The following GALNTL6 variants were observed in gnomAD, a reference collection of about 807,000 sequenced individuals.
The protein encoded by GALNTL6 is polypeptide N-acetylgalactosaminyltransferase like 6, also known as polypeptide N-acetylgalactosaminyltransferase-like 6.
A neutral mutation model predicts 73.7 loss-of-function variants in GALNTL6; 46 were observed. That is an observed-to-expected ratio of 0.62 (90% CI 0.49 to 0.80). The LOEUF is 0.80. Ranked by LOEUF, GALNTL6 falls within the 30% of genes least tolerant of loss-of-function variation. GALNTL6 has a pLI of 0.00. For missense variants in GALNTL6, 604 were observed against 755.0 expected (o/e 0.80, Z 2.34); for synonymous variants, 259 against 263.7 (o/e 0.98, Z 0.17).
chr4:172,367,076 A>G (rs1239775122), intron 5 of GALNTL6, among the ~76,000 whole-genome samples: 1 of 152,204 alleles, frequency 6.6e-6, no homozygotes. Context: ...GTGGTCCCCA[A>G]ACCTGTGAGA....
rs114083763 is a variant in GALNTL6, at chr4:172,432,455, G to A, written c.553+83766G>A. Among the ~76,000 whole-genome samples, 777 of 151,978 alleles carry A rather than the reference G, an allele frequency of 5.1e-3. 10 individuals are homozygous for A. The highest frequency in any genetic ancestry group is 0.011 in the African/African-American group (443 of 41,468). The stretch of plus-strand genomic sequence containing the variant: ...TTTTCAGTGTCCGAAATTACATCAC[G>A]CAAACCCTCTGATCACATTGAGCAC... On this transcript the variant is annotated intron_variant, in intron 5 of 12. Transcript: ENST00000506823.
intron 5 of GALNTL6, among the ~76,000 whole-genome samples, chr4:172,709,907 G>T (rs1420282753): frequency 6.6e-6 from 1 of 151,748 alleles, no homozygotes; most frequent in African/African-American, 2.4e-5. Flanking sequence ...ACAAATGATT[G>T]TACCGCATTG....
chr4:172,994,135 T>C (rs781163564), intron 10 of GALNTL6, among the ~76,000 whole-genome samples: 2 of 152,140 alleles, frequency 1.3e-5, no homozygotes, highest in Non-Finnish European at 2.9e-5. Flanking sequence ...GACTGGAGCA[T>C]TCACATATTA....
At chr4:172,864,369 T>C (rs1316982937) in intron 7 of GALNTL6, among the ~76,000 whole-genome samples, 2 of 152,136 alleles carry the variant, frequency 1.3e-5, no homozygotes, top group South Asian at 2.1e-4. Flanking sequence ...CATAAATAAG[T>C]AGAATGGAGC....
At chr4:173,036,699 C>CA (rs1753710692) in intron 12 of GALNTL6, among the ~76,000 whole-genome samples, 1 of 152,138 alleles carries the variant, frequency 6.6e-6, no homozygotes, top group South Asian at 2.1e-4. Flanking sequence ...TGTGAATAGC[C>CA]AGAGCACAGG....
In GALNTL6 at chr4:172,625,574, A is replaced by G. The variant is rs1239552900; in HGVS notation, c.554-183787A>G. Among the ~76,000 whole-genome samples, 3 of 152,070 alleles carry G rather than the reference A, an allele frequency of 2.0e-5. No homozygotes were observed. The South Asian group carries it at 6.2e-4, about 31-fold the overall frequency. On this transcript the variant is annotated intron_variant, in intron 5 of 12. Coordinates refer to ENST00000506823, the MANE Select transcript of GALNTL6 (RefSeq NM_001034845.3). ...GATTGCTGGGTTAAATGGTAGTTCT[A>G]TTTTAAGTTATTTGAGAAATCTCCA...
rs1561102643 is a variant in GALNTL6 at position 173,040,326 on chromosome 4, C to A, written c.*226C>A. 4.0e-6 allele frequency: 2 copies of A among 503,924 alleles called. No homozygotes were observed. Among genetic ancestry groups the A allele is most frequent in the East Asian group, 6.8e-5 (2 of 29,444 alleles). 31.2% of individuals were successfully genotyped at this position (503,924 alleles called of 1,614,324 possible). ...CTGAGAACTCGAGACTAGCAGTTCCCTTGCTGGCCAAGGGCAAAGATAATT... is the reference window on the plus strand; with the variant it reads ...CTGAGAACTCGAGACTAGCAGTTCCATTGCTGGCCAAGGGCAAAGATAATT... On this transcript the variant is annotated 3_prime_UTR_variant, in exon 13 of 13. Transcript: ENST00000506823.
intron 2 of GALNTL6, among the ~76,000 whole-genome samples, chr4:171,843,491 C>A (rs1185861892): frequency 1.3e-5 from 2 of 151,176 alleles, no homozygotes; most frequent in African/African-American, 4.9e-5. Flanking sequence ...AAAAAAAAAA[C>A]AATTTATTCT....
chr4:172,344,965 T>C lies in GALNTL6; in HGVS notation c.387-3558T>C, dbSNP rs118174061. 1.0e-3 allele frequency among the ~76,000 whole-genome samples: 152 copies of C among 152,310 alleles called. 1 individual carries two copies. In the South Asian group the frequency reaches 0.016, roughly 16 times the overall value. ...AGGATTTGACAATGAAATAATACAGTGTAAACAACAATGACCGTAATAATG... is the reference window on the plus strand; with the variant it reads ...AGGATTTGACAATGAAATAATACAGCGTAAACAACAATGACCGTAATAATG... On this transcript the variant is annotated intron_variant, in intron 4 of 12. Transcript: ENST00000506823.
chr4:172,603,364 G>T (rs1397827106), intron 5 of GALNTL6, among the ~76,000 whole-genome samples: 1 of 152,166 alleles, frequency 6.6e-6, no homozygotes. Flanking sequence ...AACAGAAGCA[G>T]CATGTCACAT....
chr4:173,027,225 C>T (rs1445455850), intron 12 of GALNTL6, among the ~76,000 whole-genome samples: 3 of 152,190 alleles, frequency 2.0e-5, no homozygotes, highest in African/African-American at 7.2e-5. Context: ...CTCATGATCC[C>T]GCCCACCTCT....
chr4:172,148,927 A>T (rs1733994650), intron 2 of GALNTL6, among the ~76,000 whole-genome samples: 1 of 152,096 alleles, frequency 6.6e-6, no homozygotes, highest in Admixed American at 6.5e-5. Flanking sequence ...TTCTATATAA[A>T]TTTTTTGCTT....
At chr4:173,035,326 G>A (rs1268714660) in intron 12 of GALNTL6, among the ~76,000 whole-genome samples, 1 of 152,108 alleles carries the variant, frequency 6.6e-6, no homozygotes, top group Non-Finnish European at 1.5e-5. Context: ...TTACAGGCAT[G>A]TACCACCAGG....
At chr4:172,679,338 G>A (rs1732493405) in intron 5 of GALNTL6, among the ~76,000 whole-genome samples, 1 of 151,804 alleles carries the variant, frequency 6.6e-6, no homozygotes, top group African/African-American at 2.4e-5. Context: ...TTGAACCCTG[G>A]AGGCGGAGGT....
intron 6 of GALNTL6, 65 bp from the exon 7 acceptor site, chr4:172,813,475 T>C (rs1741426245): frequency 1.4e-6 from 2 of 1,403,550 alleles, no homozygotes; most frequent in Non-Finnish European, 2.0e-6. Context: ...GGCTTCTCTT[T>C]GCTGAAAAAT....
intron 2 of GALNTL6, among the ~76,000 whole-genome samples, chr4:172,043,016 C>T (rs1276626008): frequency 6.6e-6 from 1 of 151,850 alleles, no homozygotes; most frequent in African/African-American, 2.4e-5. Flanking sequence ...GATAATGAGT[C>T]ACCGTCTTTG....
At chr4:172,977,368 T>A (rs1750863358) in intron 10 of GALNTL6, among the ~76,000 whole-genome samples, 1 of 152,208 alleles carries the variant, frequency 6.6e-6, no homozygotes, top group African/African-American at 2.4e-5. Flanking sequence ...CCTTTTTCTG[T>A]CTTTCCATAA....
chr4:172,696,406 TTTTTG>T (rs1238134035), intron 5 of GALNTL6, among the ~76,000 whole-genome samples: 1 of 152,108 alleles, frequency 6.6e-6, no homozygotes, highest in East Asian at 1.9e-4. Context: ...CATTCCTAAT[TTTTTG>T]TTTTGTTTTG....
chr4:172,624,425 A>T (rs1363815858), intron 5 of GALNTL6, among the ~76,000 whole-genome samples: 2 of 63,398 alleles, frequency 3.2e-5, no homozygotes, highest in Non-Finnish European at 7.3e-5. Flanking sequence ...ATCCACCTAG[A>T]AAAAAAAAAT....
Sources: gnomAD v4.1 joint callset for allele counts (sites outside exome capture counted in the v4.1 genomes callset) on GRCh38, gnomAD v4.1.1 for gene constraint, MANE v1.5 for transcripts, NCBI Gene and HGNC (gene_info 2026-07-23, HGNC 2026-07-21) for gene names.